Variants in ANKRD36B observed in about 807,000 individuals in gnomAD.
The protein encoded by ANKRD36B is ankyrin repeat domain-containing protein 36B.
ANKRD36B carries 37 observed loss-of-function variants against 135.7 expected under a neutral mutation model. The ratio of observed to expected loss-of-function variants is 0.27; its 90% CI spans 0.21 to 0.36. The LOEUF (loss-of-function observed/expected upper bound fraction) is 0.36, where lower values mean the gene tolerates loss of function less well. Among genes scored for constraint, ANKRD36B ranks in the 10% least tolerant of loss-of-function variants. ANKRD36B has a pLI of 1.00. For synonymous variants in ANKRD36B, 179 were observed against 348.1 expected (o/e 0.51, Z 5.41); for missense variants, 549 against 1,037.1 (o/e 0.53, Z 6.46).
chr2:97,588,020 T>C (rs1301383952), intron 1 of ANKRD36B, among the ~76,000 whole-genome samples: 1 of 151,604 alleles, frequency 6.6e-6, no homozygotes, highest in South Asian at 2.1e-4. Context: ...TGTCTTTTGT[T>C]AATTTTTTCT....
chr2:97,574,415 A>G (rs1173930528), intron 6 of ANKRD36B, among the ~76,000 whole-genome samples: 2 of 152,192 alleles, frequency 1.3e-5, no homozygotes, highest in Non-Finnish European at 2.9e-5. Flanking sequence ...ATGTGGAGAA[A>G]TAGGAACACT....
intron 3 of ANKRD36B, 92 bp downstream of exon 3, chr2:97,584,852 G>A (rs2082870281): frequency 1.6e-6 from 1 of 619,524 alleles, no homozygotes; most frequent in East Asian, 2.8e-5. Flanking sequence ...GAATGTTTGA[G>A]CTTCCAAATA....
intron 1 of ANKRD36B, among the ~76,000 whole-genome samples, chr2:97,586,191 T>A (rs2082977132): frequency 6.6e-6 from 1 of 152,080 alleles, no homozygotes; most frequent in African/African-American, 2.4e-5. Context: ...TAAAACAAAG[T>A]AATTCTTACT....
At chr2:97,587,063 T>A (rs1219489417) in intron 1 of ANKRD36B, among the ~76,000 whole-genome samples, 2 of 152,208 alleles carry the variant, frequency 1.3e-5, no homozygotes, top group Middle Eastern at 3.4e-3. Flanking sequence ...TAATCCCAGC[T>A]ACTCAGGAGG....
chr2:97,527,002 T>A (rs1157921675), intron 35 of ANKRD36B, among the ~76,000 whole-genome samples: 1 of 96,414 alleles, frequency 1.0e-5, no homozygotes, highest in African/African-American at 3.1e-5. Context: ...CCAGGAGAAC[T>A]TCCCCAATCT....
In ANKRD36B at chr2:97,570,579, T is replaced by C. The variant is rs746599572; in HGVS notation, c.763+5800A>G. ...GCTTCCATAAGAACCTTGGATACTGTGTAAGTCTCTAGTCAGACTCATACT... is the reference window on the plus strand; with the variant it reads ...GCTTCCATAAGAACCTTGGATACTGCGTAAGTCTCTAGTCAGACTCATACT... On this transcript the variant is annotated intron_variant, in intron 6 of 43. Transcript: ENST00000359901. 6.8e-4 allele frequency among the ~76,000 whole-genome samples: 104 copies of C among 152,244 alleles called. 2 individuals are homozygous for C. Among genetic ancestry groups the C allele is most frequent in the Middle Eastern group, 3.4e-3 (1 of 294 alleles).
rs1411648392 is a variant in ANKRD36B, at chr2:97,576,447, C to T, written c.696-1G>A. On this transcript the variant is annotated splice_acceptor_variant, in intron 5 of 43. Transcript: ENST00000359901. LOFTEE classifies it high-confidence loss of function. ...GTATTCATAAATTAGATCAAAAATG[C>T]TATGCATAAAAATAAATGAAATTAA... 1.0e-5 allele frequency: 12 copies of T among 1,148,420 alleles called. No individual in the cohort carries two copies. The East Asian group carries it at 2.9e-4, about 28-fold the overall frequency. 71.1% of individuals were successfully genotyped at this position (1,148,420 alleles called of 1,614,324 possible).
At chr2:97,559,613 G>C (rs1169969765) in intron 8 of ANKRD36B, among the ~76,000 whole-genome samples, 1 of 151,838 alleles carries the variant, frequency 6.6e-6, no homozygotes, top group Non-Finnish European at 1.5e-5. Context: ...CACTAGTTTA[G>C]CTTTCTGAAA....
intron 20 of ANKRD36B, among the ~76,000 whole-genome samples, chr2:97,548,845 T>G (rs2079753786): frequency 6.6e-6 from 1 of 152,012 alleles, no homozygotes; most frequent in African/African-American, 2.4e-5. Flanking sequence ...TATTTTTTAT[T>G]AAAATATTCC....
chr2:97,513,328 T>C lies in ANKRD36B; in HGVS notation c.2657A>G (p.Asn886Ser), dbSNP rs552766821. The C allele has an allele frequency of 5.8e-5, 91 of 1,564,822 alleles. 13 individuals are homozygous for C. The East Asian group carries it at 2.0e-3, about 35-fold the overall frequency. The change falls in exon 38 of 44, where the codon AAT becomes AGT. Residue 886 changes from asparagine (N) to serine (S), a missense_variant. Physicochemically the swap from Asn to Ser is conservative, Grantham distance 46. Coordinates refer to ENST00000359901, the MANE Select transcript of ANKRD36B (RefSeq NM_001393939.1). ...AIQQEKKKRR[N>S]VEELHQKVRE... ...AACTTTTTGGTGCAACTCTTCAACA[T>C]TTCTTCTTTTCTTTTTTTCTTGCTG...
In ANKRD36B at chr2:97,577,212, T is replaced by A. The variant is rs536315928; in HGVS notation, c.696-766A>T. 1.5e-4 allele frequency among the ~76,000 whole-genome samples: 22 copies of A among 144,202 alleles called. 1 individual carries two copies. The highest frequency in any genetic ancestry group is 1.2e-3 in the Admixed American group (17 of 14,134). The allele number at this position is 144,202 out of a possible 152,430, so 94.6% of individuals were successfully genotyped here. On this transcript the variant is annotated intron_variant, in intron 5 of 43. Transcript: ENST00000359901. ...CTATTACTTCTCTACAGACTCTAAC[T>A]GAATGAGCAGATGTTTGCTAGAATG...
In ANKRD36B at chr2:97,553,173, C is replaced by T. The variant is rs760258571; in HGVS notation, c.1268G>A (p.Gly423Glu). The change falls in exon 16 of 44, where the codon GGG becomes GAG. Residue 423 changes from glycine to glutamate, a missense_variant. Gly to Glu is a moderately conservative substitution (Grantham distance 98). Coordinates refer to ENST00000359901, the MANE Select transcript of ANKRD36B (RefSeq NM_001393939.1). Reference sequence around the variant, plus strand: ...AATGTGTTTTGCAAAATTACCTGTCCCAGATTTTTCTCCATCCTTTATTTC... The same window carrying T: ...AATGTGTTTTGCAAAATTACCTGTCTCAGATTTTTCTCCATCCTTTATTTC... ...ATEIKDGEKS[G>E]TVSSQKKPAL... 2.5e-6 allele frequency: 4 copies of T among 1,610,950 alleles called. No individual in the cohort carries two copies. The highest frequency in any genetic ancestry group is 3.4e-6 in the Non-Finnish European group (4 of 1,178,526).
chr2:97,527,292 C>T (rs148119682), intron 35 of ANKRD36B, among the ~76,000 whole-genome samples: 3,330 of 93,794 alleles, frequency 0.036, 955 homozygotes, highest in East Asian at 0.17. Flanking sequence ...GAATTTTGTA[C>T]CCAGCCAAAC....
intron 28 of ANKRD36B, among the ~76,000 whole-genome samples, chr2:97,541,320 A>C (rs2079140608): frequency 1.0e-5 from 1 of 96,724 alleles, no homozygotes; most frequent in East Asian, 2.3e-4. Context: ...TTCTTGGAGA[A>C]GCCAAAATTT....
chr2:97,532,075 A>C (rs2078630847), intron 35 of ANKRD36B, among the ~76,000 whole-genome samples: 2 of 96,770 alleles, frequency 2.1e-5, no homozygotes, highest in South Asian at 4.7e-4. Context: ...ATAGAAGTGC[A>C]AACAATATCA....
intron 5 of ANKRD36B, among the ~76,000 whole-genome samples, chr2:97,577,856 G>A (rs941421661): frequency 1.3e-5 from 2 of 151,854 alleles, no homozygotes; most frequent in African/African-American, 4.8e-5. Flanking sequence ...ACTACTCTAA[G>A]GAAGGATGGC....
chr2:97,587,401 C>T (rs1052099391), intron 1 of ANKRD36B, among the ~76,000 whole-genome samples: 12 of 152,150 alleles, frequency 7.9e-5, no homozygotes, highest in Non-Finnish European at 1.6e-4. Context: ...ATTTGGCTTA[C>T]TAACACCATA....
chr2:97,564,153 T>C (rs989787920), intron 6 of ANKRD36B, among the ~76,000 whole-genome samples: 1 of 151,718 alleles, frequency 6.6e-6, no homozygotes, highest in Non-Finnish European at 1.5e-5. Flanking sequence ...GGGTGATTTC[T>C]TTTGCTTTTT....
intron 14 of ANKRD36B, among the ~76,000 whole-genome samples, chr2:97,554,514 G>A (rs1373215105): frequency 2.0e-5 from 3 of 151,828 alleles, no homozygotes; most frequent in African/African-American, 4.8e-5. Flanking sequence ...AAATGCATCC[G>A]AAGTGAGTTC....
Sources: gnomAD v4.1 joint callset for allele counts (sites outside exome capture counted in the v4.1 genomes callset) on GRCh38, gnomAD v4.1.1 for gene constraint, MANE v1.5 for transcripts, NCBI Gene and HGNC (gene_info 2026-07-23, HGNC 2026-07-21) for gene names.